Variants in LMNA observed in about 807,000 individuals in gnomAD.
LMNA encodes the protein lamin.
Under a neutral mutation model 70.4 loss-of-function variants are expected in LMNA, and 20 were observed. That is an observed-to-expected ratio of 0.28 (90% confidence interval 0.20 to 0.41). The LOEUF (loss-of-function observed/expected upper bound fraction) is 0.41, where lower values mean the gene tolerates loss of function less well. LMNA is among the 10% of genes least tolerant of loss of function. LMNA has a pLI of 1.00. For synonymous variants in LMNA, 339 were observed against 372.8 expected, an observed-to-expected ratio of 0.91 and a Z score of 1.04; for missense variants, 652 against 917.2, an observed-to-expected ratio of 0.71 and a Z score of 3.73.
In LMNA at chr1:156,139,014, CA is replaced by C. The variant is rs946365852; in HGVS notation, c.1969-65del. On this transcript the variant is annotated intron_variant, in intron 11 of 11. Coordinates refer to ENST00000368300, the MANE Select transcript of LMNA (RefSeq NM_170707.4). ...GAGATGCTACCTCCCTTCTAGGGGC[CA>C]GGGGAGGGAGGGTCTGGGTCCAGGC... 3.2e-6 allele frequency: 5 copies of C among 1,553,104 alleles called. No individual in the cohort carries two copies. The African/African-American group carries it at 6.8e-5, about 21-fold the overall frequency.
intron 3 of LMNA, among the ~76,000 whole-genome samples, chr1:156,094,206 A>G (rs1024610213): frequency 1.3e-5 from 2 of 152,130 alleles, no homozygotes; most frequent in African/African-American, 2.4e-5. Flanking sequence ...AGAAGTATAC[A>G]TGGGTCACAT....
intron 2 of LMNA, among the ~76,000 whole-genome samples, chr1:156,132,827 C>G (rs1324517194): frequency 7.0e-6 from 1 of 143,366 alleles, no homozygotes; most frequent in Non-Finnish European, 1.5e-5. Flanking sequence ...GTTCTCCTCT[C>G]TCTCTCTCTC....
chr1:156,092,393 A>G (rs1438833794), intron 3 of LMNA, among the ~76,000 whole-genome samples: 8 of 151,590 alleles, frequency 5.3e-5, no homozygotes, highest in Admixed American at 5.3e-4. Context: ...AAAATTTACA[A>G]AAAGGCTGGG....
At chr1:156,088,975 ATTTG>A (rs962088069) in intron 2 of LMNA, among the ~76,000 whole-genome samples, 7 of 152,030 alleles carry the variant, frequency 4.6e-5, no homozygotes, top group Admixed American at 1.3e-4. Context: ...TGATTAATTT[ATTTG>A]TTTGTTTGTT....
rs576909759 is a variant in LMNA, at chr1:156,105,464, C to G, written c.-206-9249C>G. On this transcript the variant is annotated intron_variant, in intron 3 of 12. Transcript: ENST00000368301. ...GAGAGTGCCCCTTGCTCCACCCCAGCGGCCAGGAAATCTCCTGCAGATTCA... is the reference window on the plus strand; with the variant it reads ...GAGAGTGCCCCTTGCTCCACCCCAGGGGCCAGGAAATCTCCTGCAGATTCA... 6.6e-5 allele frequency among the ~76,000 whole-genome samples: 10 copies of G among 152,180 alleles called. No individual in the cohort carries two copies. The East Asian group carries it at 1.9e-3, about 29-fold the overall frequency.
chr1:156,083,676 G>C (rs903156713), intron 2 of LMNA: 1 of 152,190 alleles, frequency 6.6e-6, no homozygotes, highest in Non-Finnish European at 1.5e-5. Flanking sequence ...GGTGGCAGAC[G>C]CCTGTAGTCC....
upstream of LMNA, among the ~76,000 whole-genome samples, chr1:156,114,074 C>A (rs1357355920): frequency 6.6e-6 from 1 of 152,130 alleles, no homozygotes; most frequent in African/African-American, 2.4e-5. Flanking sequence ...AGGGACCCCC[C>A]AAACTCCTTG....
In LMNA at chr1:156,114,909, C is replaced by A; in HGVS notation, c.-10C>A. 6.5e-7 allele frequency: 1 copy of A among 1,536,680 alleles called. No individual in the cohort carries two copies. The highest frequency in any genetic ancestry group is 1.2e-5 in the South Asian group (1 of 82,576). Reference sequence around the variant, plus strand: ...CCTGCCCCGCGGGCAGCGCTGCCAACCTGCCGGCCATGGAGACCCCGTCCC... The same window carrying A: ...CCTGCCCCGCGGGCAGCGCTGCCAAACTGCCGGCCATGGAGACCCCGTCCC... On this transcript the variant is annotated 5_prime_UTR_variant, in exon 1 of 12. Transcript: ENST00000368300.
chr1:156,114,269 C>A (rs542022118), upstream of LMNA, among the ~76,000 whole-genome samples: 4 of 152,274 alleles, frequency 2.6e-5, no homozygotes, highest in South Asian at 8.3e-4. Context: ...CAGGGGGAGC[C>A]AGTGGTGGAA....
chr1:156,127,906 G>A (rs1038268000), intron 1 of LMNA, among the ~76,000 whole-genome samples: 31 of 151,980 alleles, frequency 2.0e-4, no homozygotes, highest in South Asian at 6.2e-4. Flanking sequence ...GGCTGGTCTC[G>A]AACTCCTGGC....
In LMNA at chr1:156,122,099, C is replaced by T. The variant is rs112615679; in HGVS notation, c.356+6825C>T. The stretch of plus-strand genomic sequence containing the variant: ...CAGCCAGGGCGACAGAGCAAGATTC[C>T]GTCTCAAAAAAATAATACTAATAAT... On this transcript the variant is annotated intron_variant, in intron 1 of 11. Coordinates refer to ENST00000368300, the MANE Select transcript of LMNA (RefSeq NM_170707.4). Among the ~76,000 whole-genome samples, 579 of 151,982 alleles carry T rather than the reference C, an allele frequency of 3.8e-3. 4 individuals carry two copies. The highest frequency in any genetic ancestry group is 0.012 in the African/African-American group (514 of 41,438).
chr1:156,134,351 A>G lies in LMNA; in HGVS notation c.514-52A>G. 6.2e-7 allele frequency: 1 copy of G among 1,607,556 alleles called. No homozygotes were observed. The highest frequency in any genetic ancestry group is 1.3e-5 in the African/African-American group (1 of 74,910). ...GCAGCCCACCTCTCAGCTTCCTTCC[A>G]GTTCTTGTGTTCTGTGACCCCTTTT... On this transcript the variant is annotated intron_variant, in intron 2 of 11. Coordinates refer to ENST00000368300, the MANE Select transcript of LMNA (RefSeq NM_170707.4). The surrounding 1 kb of genome is among the most constrained non-coding windows in gnomAD (Gnocchi z 5.3).
In LMNA at chr1:156,103,109, G is replaced by A. The variant is rs1033867080; in HGVS notation, c.-206-11604G>A. 6.6e-6 allele frequency among the ~76,000 whole-genome samples: 1 copy of A among 152,192 alleles called. No individual in the cohort carries two copies. Among genetic ancestry groups the A allele is most frequent in the Non-Finnish European group, 1.5e-5 (1 of 68,026 alleles). On this transcript the variant is annotated intron_variant, in intron 3 of 12. Transcript: ENST00000368301. This position sits in a 1 kb window ranked among gnomAD's most constrained non-coding sequence, Gnocchi z 4.7. The stretch of plus-strand genomic sequence containing the variant: ...GACCCATGGGGGCTGCAGCTGAGCT[G>A]GGGACTTTGTCCCTGCAGCTGCTCT...
intron 3 of LMNA, among the ~76,000 whole-genome samples, chr1:156,105,396 G>A (rs1234525863): frequency 9.4e-6 from 1 of 106,650 alleles, no homozygotes; most frequent in Admixed American, 8.0e-5. Context: ...GGAGACCCCA[G>A]CCATCCCTAC....
In LMNA at chr1:156,139,514, G is replaced by A. The variant is rs1045263303; in HGVS notation, c.*408G>A. 81 of 1,344,092 alleles carry A rather than the reference G, an allele frequency of 6.0e-5. No individual in the cohort carries two copies. The highest frequency in any genetic ancestry group is 7.6e-5 in the Non-Finnish European group (80 of 1,050,052). The allele number at this position is 1,344,092 out of a possible 1,614,324, so 83.3% of individuals were successfully genotyped here. On this transcript the variant is annotated 3_prime_UTR_variant, in exon 12 of 12. Coordinates refer to ENST00000368300, the MANE Select transcript of LMNA (RefSeq NM_170707.4). ...CCGGGGACCCTGTGACATGGTGCCT[G>A]AGAGGCAGGCATAGAGGCTTCTCCG...
chr1:156,134,761 T>A lies in LMNA; in HGVS notation c.640-44T>A. 1 of 1,613,712 alleles carries A rather than the reference T, an allele frequency of 6.2e-7. No individual in the cohort carries two copies. The highest frequency in any genetic ancestry group is 8.5e-7 in the Non-Finnish European group (1 of 1,179,748). ...CCCTGGGTCTTGGCCTCCCAGGAAC[T>A]AATTCTGATTTTGGTTTCTGTGTCC... On this transcript the variant is annotated intron_variant, in intron 3 of 11. Coordinates refer to ENST00000368300, the MANE Select transcript of LMNA (RefSeq NM_170707.4). This position sits in a 1 kb window ranked among gnomAD's most constrained non-coding sequence, Gnocchi z 5.3.
At chr1:156,108,593 C>T (rs180840862) in intron 3 of LMNA, among the ~76,000 whole-genome samples, 23 of 152,196 alleles carry the variant, frequency 1.5e-4, no homozygotes, top group Admixed American at 1.3e-3. Context: ...CCCGTCTCTA[C>T]TAAAAATACA....
chr1:156,139,580 T>A lies in LMNA; in HGVS notation c.*474T>A, dbSNP rs1651939992. 77 of 1,399,690 alleles carry A rather than the reference T, an allele frequency of 5.5e-5. 2 individuals are homozygous for A. The South Asian group carries it at 1.1e-3, about 21-fold the overall frequency. The allele number at this position is 1,399,690 out of a possible 1,614,324, so 86.7% of individuals were successfully genotyped here. ...CGGCAGGCTCACTGCCAGGCCAGCC[T>A]CCGAGAGGGAGAGAGAGAGAGAGAG... is the stretch of plus-strand genomic sequence containing the variant. On this transcript the variant is annotated 3_prime_UTR_variant, in exon 12 of 12. Coordinates refer to ENST00000368300, the MANE Select transcript of LMNA (RefSeq NM_170707.4).
chr1:156,095,409 G>T (rs1295963413), intron 3 of LMNA, among the ~76,000 whole-genome samples: 6 of 152,080 alleles, frequency 3.9e-5, no homozygotes, highest in African/African-American at 1.4e-4. Context: ...TACTGAATGA[G>T]TCACTCCCCA....
Sources: allele counts gnomAD v4.1 joint callset (sites outside exome capture counted in the v4.1 genomes callset), GRCh38; gene constraint gnomAD v4.1.1; non-coding constraint Gnocchi (gnomAD v3.1); transcripts MANE v1.5; gene names NCBI Gene and HGNC (gene_info 2026-07-23, HGNC 2026-07-21).